The following UNC13C variants were observed in gnomAD, a reference collection of about 807,000 sequenced individuals.
UNC13C encodes the protein unc-13 homolog C.
In UNC13C, 174 loss-of-function variants were observed where a neutral mutation model predicts 245.4. The ratio of observed to expected loss-of-function variants is 0.71; its 90% confidence interval spans 0.63 to 0.80. The LOEUF is 0.80. UNC13C is among the 30% of genes least tolerant of loss of function. The probability of loss-of-function intolerance (pLI) is 0.00; values close to 1 mark genes in which losing one functional copy is unlikely to be tolerated. For synonymous variants in UNC13C, 992 were observed against 895.1 expected (o/e 1.11, Z -1.93); for missense variants, 2,829 against 2,602.9 (o/e 1.09, Z -1.89).
Position 54,393,151 on chromosome 15 carries a change from A to C in UNC13C, c.4817A>C (p.Asp1606Ala). 2 of 1,606,236 alleles carry C rather than the reference A, an allele frequency of 1.2e-6. No individual in the cohort carries two copies. Among genetic ancestry groups the C allele is most frequent in the Non-Finnish European group, 1.7e-6 (2 of 1,177,144 alleles). ...CTGATGGTTACTATTATTGATGAGG[A>C]TAAAACTGCCTACACACCTGTCCTG... ...ITLMVTIIDE[D>A]KTAYTPVLNQ... The change falls in exon 18 of 33, where the codon GAT becomes GCT. Residue 1606 changes from aspartate (D) to alanine (A), a missense_variant. Coordinates refer to ENST00000260323, the MANE Select transcript of UNC13C (RefSeq NM_001080534.3).
chr15:54,464,274 AT>A (rs1451202819), intron 19 of UNC13C, among the ~76,000 whole-genome samples: 2 of 152,068 alleles, frequency 1.3e-5, no homozygotes, highest in African/African-American at 4.8e-5. Flanking sequence ...TACATTTTCC[AT>A]TCATGAACTT....
At chr15:54,475,471 C>T (rs1892686143) in intron 19 of UNC13C, among the ~76,000 whole-genome samples, 1 of 151,534 alleles carries the variant, frequency 6.6e-6, no homozygotes, top group African/African-American at 2.4e-5. Flanking sequence ...CCCCACCCCA[C>T]AACAGTCCCC....
the UNC13C span, among the ~76,000 whole-genome samples, chr15:53,909,116 T>C: frequency 6.8e-6 from 1 of 146,658 alleles, no homozygotes; most frequent in African/African-American, 2.4e-5. Flanking sequence ...AAAGGCAGAC[T>C]ACCAAGACCC....
the UNC13C span, among the ~76,000 whole-genome samples, chr15:53,957,744 T>C: frequency 6.6e-6 from 1 of 152,166 alleles, no homozygotes; most frequent in Non-Finnish European, 1.5e-5. Context: ...AGAGAGGAGT[T>C]TGGCCTTATT....
At chr15:54,209,493 G>C (rs1228855557) in intron 4 of UNC13C, among the ~76,000 whole-genome samples, 1 of 151,830 alleles carries the variant, frequency 6.6e-6, no homozygotes, top group Non-Finnish European at 1.5e-5. Flanking sequence ...GCTCACTGCA[G>C]ACTGGAACAC....
intron 10 of UNC13C, among the ~76,000 whole-genome samples, chr15:54,287,348 T>C (rs990096029): frequency 4.6e-5 from 7 of 152,326 alleles, no homozygotes; most frequent in African/African-American, 1.7e-4. Flanking sequence ...ACACAGCAAG[T>C]ATAAAAACTA....
At chr15:54,132,980 TACA>T (rs1006448961) in intron 2 of UNC13C, among the ~76,000 whole-genome samples, 31 of 152,256 alleles carry the variant, frequency 2.0e-4, no homozygotes, top group African/African-American at 7.0e-4. Context: ...AGGGAGAAAA[TACA>T]ACATTTTTAC....
intron 19 of UNC13C, among the ~76,000 whole-genome samples, chr15:54,443,000 T>G (rs937681909): frequency 7.9e-5 from 12 of 152,276 alleles, no homozygotes; most frequent in East Asian, 5.8e-4. Context: ...GTATTAATTC[T>G]TCTTTATATA....
chr15:54,223,070 C>T (rs896921373), intron 4 of UNC13C, among the ~76,000 whole-genome samples: 2 of 151,974 alleles, frequency 1.3e-5, no homozygotes, highest in Admixed American at 6.6e-5. Context: ...TGATTGTTTC[C>T]TTTGCTGTGC....
chr15:54,514,607 A>G (rs922144705), intron 24 of UNC13C, among the ~76,000 whole-genome samples: 1 of 152,164 alleles, frequency 6.6e-6, no homozygotes, highest in Non-Finnish European at 1.5e-5. Flanking sequence ...ATATTATACT[A>G]TCTGCAAAGT....
At chr15:54,188,924 C>T (rs186939103) in intron 4 of UNC13C, among the ~76,000 whole-genome samples, 6 of 152,078 alleles carry the variant, frequency 3.9e-5, no homozygotes, top group Non-Finnish European at 5.9e-5. Context: ...CCATTGTTAC[C>T]GTTTCCAAAT....
intron 19 of UNC13C, among the ~76,000 whole-genome samples, chr15:54,459,535 T>A (rs1891723897): frequency 6.6e-6 from 1 of 152,204 alleles, no homozygotes; most frequent in African/African-American, 2.4e-5. Flanking sequence ...CACCAATTAT[T>A]CTTACGTTTG....
intron 8 of UNC13C, among the ~76,000 whole-genome samples, chr15:54,256,937 A>G (rs1365592969): frequency 2.0e-5 from 3 of 152,212 alleles, no homozygotes; most frequent in Non-Finnish European, 4.4e-5. Flanking sequence ...TTGCAGGGTG[A>G]CCACGTCTAA....
intron 13 of UNC13C, among the ~76,000 whole-genome samples, chr15:54,307,500 G>A (rs1011631940): frequency 2.6e-5 from 4 of 151,898 alleles, no homozygotes; most frequent in Non-Finnish European, 5.9e-5. Flanking sequence ...CACAGCACAA[G>A]GCAATGGGGA....
the UNC13C span, among the ~76,000 whole-genome samples, chr15:53,935,158 A>AG: frequency 2.7e-5 from 1 of 37,436 alleles, no homozygotes; most frequent in Non-Finnish European, 7.6e-5. Flanking sequence ...CTCCTGATTA[A>AG]AAAAAAAAAC....
At chr15:54,445,711 G>C (rs534844473) in intron 19 of UNC13C, among the ~76,000 whole-genome samples, 1 of 151,872 alleles carries the variant, frequency 6.6e-6, no homozygotes, top group African/African-American at 2.4e-5. Context: ...CAGATGAGTA[G>C]ATTGCAAAAA....
At chr15:54,388,479 T>C (rs982331776) in intron 17 of UNC13C, among the ~76,000 whole-genome samples, 3 of 152,182 alleles carry the variant, frequency 2.0e-5, no homozygotes, top group Non-Finnish European at 4.4e-5. Flanking sequence ...TTTCAAACTT[T>C]TACTACCCCA....
At chr15:54,436,029 A>G (rs1481656735) in intron 19 of UNC13C, among the ~76,000 whole-genome samples, 2 of 152,070 alleles carry the variant, frequency 1.3e-5, no homozygotes, top group African/African-American at 4.8e-5. Flanking sequence ...AAAAACCACA[A>G]TGAGATTCCA....
intron 8 of UNC13C, among the ~76,000 whole-genome samples, chr15:54,257,372 C>A (rs1248452475): frequency 1.3e-5 from 2 of 152,152 alleles, no homozygotes; most frequent in African/African-American, 4.8e-5. Flanking sequence ...AGATGTAGTA[C>A]CTTTAACATA....
Sources: gnomAD v4.1 joint callset for allele counts (sites outside exome capture counted in the v4.1 genomes callset) on GRCh38, gnomAD v4.1.1 for gene constraint, MANE v1.5 for transcripts, NCBI Gene and HGNC (gene_info 2026-07-23, HGNC 2026-07-21) for gene names.